Variants in STMN1 observed in about 807,000 individuals in gnomAD.
The protein encoded by STMN1 is stathmin 1.
A neutral mutation model predicts 19.7 loss-of-function variants in STMN1; 3 were observed. That is an observed-to-expected ratio of 0.15 (90% CI 0.07 to 0.39). The LOEUF (loss-of-function observed/expected upper bound fraction) is 0.39, where lower values mean the gene tolerates loss of function less well. Ranked by LOEUF, STMN1 falls within the 10% of genes least tolerant of loss-of-function variation. STMN1 has a pLI of 1.00. For missense variants in STMN1, 99 were observed against 176.0 expected, an observed-to-expected ratio of 0.56 and a Z score of 2.48; for synonymous variants, 59 against 58.9, an observed-to-expected ratio of 1.00 and a Z score of -0.01.
chr1:25,903,114 C>T (rs571918023), intron 3 of STMN1: 1 of 152,198 alleles, frequency 6.6e-6, no homozygotes, highest in African/African-American at 2.4e-5. Flanking sequence ...TTTATTGATT[C>T]TTCTGATTAG....
intron 4 of STMN1, 52 bp from the exon 5 acceptor site, chr1:25,901,139 A>AAC (rs748660560): frequency 1.4e-5 from 21 of 1,514,180 alleles, no homozygotes; most frequent in East Asian, 4.7e-5. Context: ...AAAAAAAAAA[A>AAC]GCCTGTCAAG....
chr1:25,904,922 A>G, intron 1 of STMN1, 184 bp from the exon 2 acceptor site: 1 of 425,652 alleles, frequency 2.3e-6, no homozygotes, highest in South Asian at 5.4e-5. Context: ...TATGACCTGA[A>G]TATGATATTG....
chr1:25,900,049 C>A (rs1043655576), downstream of STMN1: 15 of 982,194 alleles, frequency 1.5e-5, no homozygotes, highest in Non-Finnish European at 1.6e-5. Context: ...TATCTGCCAA[C>A]CTTAACCACC....
rs113450900 is a variant in STMN1 at position 25,903,815 on chromosome 1, T to C, written c.14-2A>G. On this transcript the variant is annotated splice_acceptor_variant, in intron 2 of 4. Coordinates refer to ENST00000455785, the MANE Select transcript of STMN1 (RefSeq NM_005563.4). LOFTEE classifies it high-confidence loss of function. ...TCTCCAGTTCTTTCACCTGGATATC[T>C]AGAATTGATTATATTTATAATTCAG... 1.3e-6 allele frequency: 2 copies of C among 1,591,330 alleles called. No homozygotes were observed.
At chr1:25,898,276 T>C (rs969079552), downstream of STMN1, among the ~76,000 whole-genome samples, 4 of 152,140 alleles carry the variant, frequency 2.6e-5, no homozygotes. Flanking sequence ...TTTATTGGGG[T>C]TTGGCTTGGA....
intron 2 of STMN1, 152 bp downstream of exon 2, chr1:25,904,512 G>A (rs1415936791): frequency 3.2e-5 from 22 of 681,260 alleles, no homozygotes; most frequent in Non-Finnish European, 4.5e-5. Context: ...GCACATTCAA[G>A]TGATAATCAT....
chr1:25,903,357 A>T (rs2048896978), intron 3 of STMN1: 2 of 320,134 alleles, frequency 6.2e-6, no homozygotes, highest in South Asian at 6.5e-5. Flanking sequence ...TGACCCCAAC[A>T]CTTACTAGTT....
At chr1:25,906,573 G>A (rs2048955710), upstream of STMN1, 1 of 152,208 alleles carries the variant, frequency 6.6e-6, no homozygotes, top group African/African-American at 2.4e-5. This position sits in a 1 kb window ranked among gnomAD's most constrained non-coding sequence, Gnocchi z 4.5. Context: ...GAAGCACCTC[G>A]GGAAGTGTAG....
At chr1:25,897,373 A>ACAT (rs1321625561), downstream of STMN1, among the ~76,000 whole-genome samples, 1 of 152,048 alleles carries the variant, frequency 6.6e-6, no homozygotes, top group Non-Finnish European at 1.5e-5. Flanking sequence ...TAAATGAACC[A>ACAT]CATTTAACAG....
At chr1:25,898,735 C>T (rs1349838513), downstream of STMN1, among the ~76,000 whole-genome samples, 2 of 152,224 alleles carry the variant, frequency 1.3e-5, no homozygotes, top group African/African-American at 4.8e-5. Context: ...ACCACTCTGG[C>T]CTTATTAGGC....
In STMN1 at chr1:25,900,467, T is replaced by C. The variant is rs1471267799; in HGVS notation, c.*549A>G. On this transcript the variant is annotated 3_prime_UTR_variant, in exon 5 of 5. Coordinates refer to ENST00000455785, the MANE Select transcript of STMN1 (RefSeq NM_005563.4). ...AACGTGCGGTCATTTGTGCGTTGGG[T>C]ATTTCTACCAGCCCCAAAGGCCCCA... 4.1e-6 allele frequency: 4 copies of C among 985,664 alleles called. No individual in the cohort carries two copies. In the South Asian group the frequency reaches 1.9e-4, roughly 46 times the overall value. The allele number at this position is 985,664 out of a possible 1,614,324, so 61.1% of individuals were successfully genotyped here.
chr1:25,893,843 T>C (rs2048796739), intron 4 of STMN1, among the ~76,000 whole-genome samples: 1 of 152,028 alleles, frequency 6.6e-6, no homozygotes, highest in African/African-American at 2.4e-5. Flanking sequence ...GCCTGGCCAA[T>C]GTGTACTGTT....
chr1:25,901,378 C>A, intron 4 of STMN1, 113 bp downstream of exon 4: 2 of 1,344,206 alleles, frequency 1.5e-6, no homozygotes, highest in East Asian at 4.6e-5. Flanking sequence ...TGTTAAGCCC[C>A]AAAATGGATG....
At chr1:25,905,067 T>C (rs780557757) in intron 1 of STMN1, 10 of 201,770 alleles carry the variant, frequency 5.0e-5, no homozygotes, top group Non-Finnish European at 1.0e-4. Flanking sequence ...TAAGAAGATA[T>C]TCCAGATTCA....
downstream of STMN1, among the ~76,000 whole-genome samples, chr1:25,898,839 AC>A (rs1370702064): frequency 1.2e-4 from 18 of 152,132 alleles, no homozygotes; most frequent in Admixed American, 1.2e-3. Flanking sequence ...GGGAATGCAT[AC>A]CCAGAGACAC....
intron 2 of STMN1, 138 bp downstream of exon 2, chr1:25,904,526 T>C (rs2048915090): frequency 2.8e-6 from 2 of 720,882 alleles, no homozygotes; most frequent in Admixed American, 5.8e-5. Context: ...TAATCATTTT[T>C]AAATTCTTCT....
chr1:25,890,350 C>G (rs1270341899), intron 4 of STMN1, among the ~76,000 whole-genome samples: 1 of 152,144 alleles, frequency 6.6e-6, no homozygotes, highest in Non-Finnish European at 1.5e-5. Context: ...AAGGAGCAGG[C>G]CTTCTGAAAG....
At chr1:25,897,003 G>A (rs773309311), downstream of STMN1, among the ~76,000 whole-genome samples, 8 of 152,186 alleles carry the variant, frequency 5.3e-5, no homozygotes, top group Non-Finnish European at 1.2e-4. Flanking sequence ...CCATCCAAAG[G>A]GGGAAGCTTT....
chr1:25,897,223 G>A (rs970114301), downstream of STMN1, among the ~76,000 whole-genome samples: 14 of 151,214 alleles, frequency 9.3e-5, no homozygotes, highest in Admixed American at 3.3e-4. Flanking sequence ...TGAGGCAGGA[G>A]AATCGCTTGA....
Sources: allele counts gnomAD v4.1 joint callset (sites outside exome capture counted in the v4.1 genomes callset), GRCh38; gene constraint gnomAD v4.1.1; non-coding constraint Gnocchi (gnomAD v3.1); transcripts MANE v1.5; gene names NCBI Gene and HGNC (gene_info 2026-07-23, HGNC 2026-07-21).